The following ACACA variants were observed in gnomAD, a reference collection of about 807,000 sequenced individuals.
ACACA encodes the protein acetyl-CoA carboxylase 1.
A neutral mutation model predicts 296.1 loss-of-function variants in ACACA; 103 were observed. The observed-to-expected ratio is 0.35, with a 90% CI of 0.30 to 0.41. The LOEUF (loss-of-function observed/expected upper bound fraction) is 0.41. Ranked by LOEUF, ACACA falls within the 10% of genes least tolerant of loss-of-function variation. The pLI, the probability that ACACA is intolerant of heterozygous loss-of-function variation, is 1.00. For missense variants in ACACA, 1,554 were observed against 2,989.7 expected (o/e 0.52, Z 11.20); for synonymous variants, 953 against 1,038.6 (o/e 0.92, Z 1.58).
chr17:37,305,311 G>C lies in ACACA; in HGVS notation c.339-20341C>G, dbSNP rs181464404. ...TTAATCATTTGCCTGAGCTAAATCT[G>C]TGAATTCTGTTTCCCTAACAGTGTG... On this transcript the variant is annotated intron_variant, in intron 3 of 55. Coordinates refer to ENST00000616317, the MANE Select transcript of ACACA (RefSeq NM_198834.3). Among the ~76,000 whole-genome samples, 14 of 152,244 alleles carry C rather than the reference G, an allele frequency of 9.2e-5. No individual in the cohort carries two copies. The East Asian group carries it at 2.7e-3, about 29-fold the overall frequency.
intron 3 of ACACA, among the ~76,000 whole-genome samples, chr17:37,321,524 C>A (rs933331625): frequency 3.3e-5 from 5 of 151,698 alleles, no homozygotes; most frequent in East Asian, 3.9e-4. Flanking sequence ...CTGAGGCGGG[C>A]GGATCATGAG....
intron 45 of ACACA, among the ~76,000 whole-genome samples, chr17:37,130,545 C>T (rs1374034538): frequency 6.6e-6 from 1 of 151,732 alleles, no homozygotes; most frequent in Non-Finnish European, 1.5e-5. Context: ...ACGTTGTGCA[C>T]ATGTACCCTA....
chr17:37,389,974 A>G (rs2050720908), intron 1 of ACACA, among the ~76,000 whole-genome samples: 1 of 148,494 alleles, frequency 6.7e-6, no homozygotes, highest in Non-Finnish European at 1.5e-5. Flanking sequence ...TTTAGATTGG[A>G]GTCAAGAATC....
intron 33 of ACACA, among the ~76,000 whole-genome samples, chr17:37,204,677 A>T (rs1465158022): frequency 1.3e-5 from 2 of 152,242 alleles, no homozygotes; most frequent in African/African-American, 4.8e-5. Context: ...GACAAACAAG[A>T]TTTAGAAAGA....
chr17:37,309,987 A>G (rs2084055885), intron 3 of ACACA, among the ~76,000 whole-genome samples: 1 of 152,096 alleles, frequency 6.6e-6, no homozygotes, highest in South Asian at 2.1e-4. Flanking sequence ...GGCTGCAGTG[A>G]GTCCTGTTTG....
Position 37,244,751 on chromosome 17 carries a change from G to A in ACACA, c.2596-17C>T. On this transcript the variant is annotated splice_polypyrimidine_tract_variant and intron_variant, in intron 20 of 55. Coordinates refer to ENST00000616317, the MANE Select transcript of ACACA (RefSeq NM_198834.3). Reference sequence around the variant, plus strand: ...AAGTTCAGCCTGTCAACCCCAACAAGAGATCAAGTCATCTACTACTTTTGA... The same window carrying A: ...AAGTTCAGCCTGTCAACCCCAACAAAAGATCAAGTCATCTACTACTTTTGA... The A allele has an allele frequency of 6.2e-7, 1 of 1,614,130 alleles. No individual in the cohort carries two copies. The highest frequency in any genetic ancestry group is 1.7e-5 in the Admixed American group (1 of 60,016).
intron 3 of ACACA, among the ~76,000 whole-genome samples, chr17:37,316,202 T>G (rs905752251): frequency 6.6e-6 from 1 of 151,944 alleles, no homozygotes; most frequent in African/African-American, 2.4e-5. Flanking sequence ...CTGCCCACCT[T>G]CCATTGCAGT....
At position 37,127,761 on chromosome 17, in the gene ACACA, T is replaced by C. The variant is rs548255720; in HGVS notation, c.5944+1604A>G. 4.0e-5 allele frequency among the ~76,000 whole-genome samples: 6 copies of C among 151,020 alleles called. No homozygotes were observed. In the South Asian group the frequency reaches 1.0e-3, roughly 26 times the overall value. On this transcript the variant is annotated intron_variant, in intron 47 of 55. Coordinates refer to ENST00000616317, the MANE Select transcript of ACACA (RefSeq NM_198834.3). Reference sequence around the variant, plus strand: ...TAGGAGGCTGAAGCAGGAGAACCACTTGAACCTGGGAGGCGGAGGTTGCAG... The same window carrying C: ...TAGGAGGCTGAAGCAGGAGAACCACCTGAACCTGGGAGGCGGAGGTTGCAG...
chr17:37,328,852 C>T (rs2047733830), intron 3 of ACACA: 1 of 398,322 alleles, frequency 2.5e-6, no homozygotes, highest in Admixed American at 4.4e-5. Context: ...AAAAAAAAGC[C>T]CCAGTTCCAC....
intron 45 of ACACA, among the ~76,000 whole-genome samples, chr17:37,139,428 G>A (rs564882583): frequency 6.6e-6 from 1 of 152,330 alleles, no homozygotes; most frequent in African/African-American, 2.4e-5. Flanking sequence ...CCACATGGAT[G>A]AAGTGAGCCA....
At chr17:37,278,792 T>C (rs1014241475) in intron 5 of ACACA, among the ~76,000 whole-genome samples, 7 of 152,230 alleles carry the variant, frequency 4.6e-5, no homozygotes, top group African/African-American at 1.4e-4. Flanking sequence ...ATTTCCACCA[T>C]TTATAAATTT....
intron 38 of ACACA, among the ~76,000 whole-genome samples, chr17:37,190,338 G>A (rs139751479): frequency 3.9e-5 from 6 of 152,110 alleles, no homozygotes; most frequent in African/African-American, 1.4e-4. Context: ...GCTGAAGCAT[G>A]ACAGTCTCTT....
intron 14 of ACACA, among the ~76,000 whole-genome samples, chr17:37,253,306 G>A (rs929208167): frequency 6.6e-6 from 1 of 152,064 alleles, no homozygotes; most frequent in Non-Finnish European, 1.5e-5. Context: ...GCAGGAGAAT[G>A]GCGTGAACCC....
chr17:37,133,604 G>A (rs554718291), intron 45 of ACACA, among the ~76,000 whole-genome samples: 2 of 152,174 alleles, frequency 1.3e-5, no homozygotes, highest in East Asian at 3.9e-4. Flanking sequence ...GAAAAACCTG[G>A]GGTCAACAAC....
At chr17:37,206,699 A>G (rs984242130) in intron 32 of ACACA, 84 bp downstream of exon 32, 1 of 1,139,068 alleles carries the variant, frequency 8.8e-7, no homozygotes, top group African/African-American at 1.5e-5. Flanking sequence ...CTTTCCTATA[A>G]TAGTTCAAAG....
Position 37,188,369 on chromosome 17 carries a change from C to T in ACACA, c.4684G>A (p.Ala1562Thr), listed in dbSNP as rs765868314. ...INIRLTPTGKAIPIRLFLTNE... is the reference protein window; with the variant it reads ...INIRLTPTGKTIPIRLFLTNE... ...GTCAGGAAGAGGCGGATGGGAATTGCTTTTCCAGTTGGCGTCAGGCGAATG... is the reference window on the plus strand; with the variant it reads ...GTCAGGAAGAGGCGGATGGGAATTGTTTTTCCAGTTGGCGTCAGGCGAATG... The change falls in exon 39 of 56, where the codon GCA becomes ACA. Residue 1562 changes from alanine (A) to threonine (T), a missense_variant. Ala to Thr is a moderately conservative substitution (Grantham distance 58, BLOSUM62 0). Around this residue, in one of 16 missense-constraint regions of ACACA, gnomAD observed 553 missense variants for 1,043.6 expected, o/e 0.53. Transcript: ENST00000616317. The T allele has an allele frequency of 1.5e-5, 24 of 1,613,988 alleles. No homozygotes were observed. Among genetic ancestry groups the T allele is most frequent in the Non-Finnish European group, 1.7e-5 (20 of 1,180,006 alleles).
chr17:37,143,241 A>G (rs2075671841), intron 45 of ACACA, among the ~76,000 whole-genome samples: 1 of 151,360 alleles, frequency 6.6e-6, no homozygotes, highest in Admixed American at 6.6e-5. Flanking sequence ...AAAAATTGTA[A>G]TTTACTTAGA....
At chr17:37,114,420 C>A (rs2074135612) in intron 50 of ACACA, among the ~76,000 whole-genome samples, 1 of 151,230 alleles carries the variant, frequency 6.6e-6, no homozygotes, top group Non-Finnish European at 1.5e-5. Flanking sequence ...ATAGTCCCAG[C>A]AACCCAGGAG....
rs560119994 is a variant in ACACA at position 37,270,930 on chromosome 17, T to C, written c.1009-69A>G. 8.6e-4 allele frequency: 1,003 copies of C among 1,168,846 alleles called. 4 individuals are homozygous for C. The highest frequency in any genetic ancestry group is 5.6e-3 in the South Asian group (450 of 81,000). The allele number at this position is 1,168,846 out of a possible 1,614,324, so 72.4% of individuals were successfully genotyped here. On this transcript the variant is annotated intron_variant, in intron 9 of 55. Coordinates refer to ENST00000616317, the MANE Select transcript of ACACA (RefSeq NM_198834.3). ...ACCAGGGAAGGAGAAAACTGGCATT[T>C]TTCTCCCTTTAAGAATGCAGTCATT... is the stretch of plus-strand genomic sequence containing the variant.
Sources: gnomAD v4.1 joint callset for allele counts (sites outside exome capture counted in the v4.1 genomes callset) on GRCh38, gnomAD v4.1.1 for gene constraint, gnomAD v4.1.1 regional missense constraint, MANE v1.5 for transcripts, NCBI Gene and HGNC (gene_info 2026-07-23, HGNC 2026-07-21) for gene names.